The following PRKCB variants were observed in gnomAD, a reference collection of about 807,000 sequenced individuals.
PRKCB encodes protein kinase C beta.
A neutral mutation model predicts 81.5 loss-of-function variants in PRKCB; 13 were observed. The ratio of observed to expected loss-of-function variants is 0.16; its 90% CI spans 0.10 to 0.25. PRKCB has a LOEUF of 0.25. Ranked by LOEUF, PRKCB falls within the 10% of genes least tolerant of loss-of-function variation. The pLI, the probability that PRKCB is intolerant of heterozygous loss-of-function variation, is 1.00. For synonymous variants in PRKCB, 335 were observed against 321.4 expected (o/e 1.04, Z -0.45); for missense variants, 509 against 875.7 (o/e 0.58, Z 5.29).
chr16:23,885,920 G>T (rs1035186491), intron 2 of PRKCB, among the ~76,000 whole-genome samples: 4 of 152,130 alleles, frequency 2.6e-5, no homozygotes, highest in African/African-American at 9.7e-5. Flanking sequence ...GATATTGGGC[G>T]GCAGGAGGTT....
At chr16:23,884,478 C>T (rs879296424) in intron 2 of PRKCB, among the ~76,000 whole-genome samples, 13 of 152,172 alleles carry the variant, frequency 8.5e-5, no homozygotes, top group African/African-American at 3.1e-4. Context: ...TTTGCCTTCC[C>T]TTATGGGCTT....
intron 7 of PRKCB, among the ~76,000 whole-genome samples, chr16:24,101,449 G>A (rs372392882): frequency 5.3e-5 from 8 of 152,328 alleles, no homozygotes; most frequent in Admixed American, 2.0e-4. Flanking sequence ...TGAGGTGGGA[G>A]GATCACTTGG....
intron 2 of PRKCB, among the ~76,000 whole-genome samples, chr16:23,900,381 T>G (rs993659919): frequency 6.6e-6 from 1 of 152,220 alleles, no homozygotes; most frequent in Non-Finnish European, 1.5e-5. Context: ...CTTTCCTAGG[T>G]ATTTTTACCT....
intron 5 of PRKCB, among the ~76,000 whole-genome samples, chr16:24,049,047 GTTTTTTTTTTTTTTT>G (rs1160842975): frequency 2.0e-4 from 10 of 49,694 alleles, no homozygotes; most frequent in African/African-American, 2.4e-4. Flanking sequence ...AAATTGGCCT[GTTTTTTTTTTTTTTT>G]TTTTTTTTTT....
At position 24,217,434 on chromosome 16, in the gene PRKCB, T is replaced by C; in HGVS notation, c.*2618T>C. 1.0e-6 allele frequency: 1 copy of C among 985,148 alleles called. No homozygotes were observed. Among genetic ancestry groups the C allele is most frequent in the Non-Finnish European group, 1.2e-6 (1 of 829,892 alleles). The allele number at this position is 985,148 out of a possible 1,614,324, so 61.0% of individuals were successfully genotyped here. A position where few individuals can be genotyped will look rare whatever the true frequency, so the allele number is the denominator to read the frequency against. ...ACCTTCTTGGGGGATTAATGGGAGGTCAGTAGAATTAATAACCCTCCTTGG... is the reference window on the plus strand; with the variant it reads ...ACCTTCTTGGGGGATTAATGGGAGGCCAGTAGAATTAATAACCCTCCTTGG... On this transcript the variant is annotated 3_prime_UTR_variant, in exon 17 of 17. Transcript: ENST00000643927.
At chr16:23,857,003 T>TA (rs914151499) in intron 2 of PRKCB, among the ~76,000 whole-genome samples, 1 of 152,216 alleles carries the variant, frequency 6.6e-6, no homozygotes, top group Admixed American at 6.5e-5. Flanking sequence ...GCTTTTTTTT[T>TA]AATCTTTAGA....
intron 2 of PRKCB, among the ~76,000 whole-genome samples, chr16:23,907,307 G>T (rs1963575598): frequency 6.6e-6 from 1 of 152,230 alleles, no homozygotes; most frequent in Non-Finnish European, 1.5e-5. Flanking sequence ...CAGAGGCAGG[G>T]TCTTGTTCCG....
At chr16:24,071,828 C>A (rs1966111846) in intron 5 of PRKCB, among the ~76,000 whole-genome samples, 2 of 151,996 alleles carry the variant, frequency 1.3e-5, no homozygotes, top group Admixed American at 6.6e-5. Flanking sequence ...ATGGTGGGGG[C>A]CGAAGAGGGC....
intron 4 of PRKCB, among the ~76,000 whole-genome samples, chr16:24,032,704 G>A (rs1159211517): frequency 6.6e-6 from 1 of 152,070 alleles, no homozygotes; most frequent in Non-Finnish European, 1.5e-5. Flanking sequence ...GAGGTCACAG[G>A]GTCCTGAGTT....
At chr16:23,863,251 C>CACT (rs1555479519) in intron 2 of PRKCB, among the ~76,000 whole-genome samples, 6 of 47,692 alleles carry the variant, frequency 1.3e-4, no homozygotes, top group African/African-American at 3.3e-4. Context: ...CATATATATA[C>CACT]ACATACACAC....
intron 4 of PRKCB, 108 bp from the exon 5 acceptor site, chr16:24,035,311 T>C (rs550157742): frequency 7.0e-7 from 1 of 1,423,414 alleles, no homozygotes; most frequent in South Asian, 1.3e-5. Context: ...GTCTCAGCTG[T>C]CTCAAAGGAG....
chr16:23,982,662 C>A (rs1009223191), intron 2 of PRKCB, among the ~76,000 whole-genome samples: 2 of 152,054 alleles, frequency 1.3e-5, no homozygotes, highest in African/African-American at 2.4e-5. Context: ...CTCCTGGGCT[C>A]AAGCAATCCT....
chr16:24,186,268 T>C (rs1236328576), intron 15 of PRKCB, among the ~76,000 whole-genome samples: 1 of 152,168 alleles, frequency 6.6e-6, no homozygotes, highest in Non-Finnish European at 1.5e-5. Flanking sequence ...ACCCTCACCT[T>C]TGGAGCCATC....
chr16:24,125,756 A>G (rs377509841), intron 9 of PRKCB, among the ~76,000 whole-genome samples: 3 of 152,148 alleles, frequency 2.0e-5, no homozygotes, highest in East Asian at 1.9e-4. Flanking sequence ...GAATGCGTGG[A>G]TTCTCTCTGT....
chr16:23,967,082 A>G (rs1964497050), intron 2 of PRKCB, among the ~76,000 whole-genome samples: 1 of 151,370 alleles, frequency 6.6e-6, no homozygotes, highest in Non-Finnish European at 1.5e-5. Context: ...CTGCCTTAAG[A>G]CACTCCTCTA....
chr16:24,191,429 A>C (rs754011402), intron 16 of PRKCB, 199 bp downstream of exon 16: 9 of 524,564 alleles, frequency 1.7e-5, no homozygotes, highest in Non-Finnish European at 2.3e-5. Context: ...GTCTCTATAA[A>C]GATGGAAACG....
At chr16:24,018,432 G>GA (rs1195551826) in intron 3 of PRKCB, among the ~76,000 whole-genome samples, 2 of 152,250 alleles carry the variant, frequency 1.3e-5, no homozygotes, top group Admixed American at 1.3e-4. Context: ...ACTAACCTAG[G>GA]AATTAAGCAT....
At chr16:23,931,854 T>G (rs1214861237) in intron 2 of PRKCB, among the ~76,000 whole-genome samples, 2 of 152,220 alleles carry the variant, frequency 1.3e-5, no homozygotes, top group Non-Finnish European at 2.9e-5. Flanking sequence ...CTAATCCTCT[T>G]TCATCCATAT....
At chr16:24,169,536 C>T (rs907576625) in intron 10 of PRKCB, among the ~76,000 whole-genome samples, 3 of 152,154 alleles carry the variant, frequency 2.0e-5, no homozygotes, top group South Asian at 2.1e-4. Flanking sequence ...TCAGGGCCTT[C>T]GCACAGCCTG....
Sources: gnomAD v4.1 joint callset for allele counts (sites outside exome capture counted in the v4.1 genomes callset) on GRCh38, gnomAD v4.1.1 for gene constraint, MANE v1.5 for transcripts, NCBI Gene and HGNC (gene_info 2026-07-23, HGNC 2026-07-21) for gene names.